PRKCB: variants seen among roughly 807,000 people sequenced by gnomAD.
The protein encoded by PRKCB is protein kinase C beta type.
Under a neutral mutation model 81.5 loss-of-function variants are expected in PRKCB, and 13 were observed. That is an observed-to-expected ratio of 0.16 (90% CI 0.10 to 0.25). The LOEUF (loss-of-function observed/expected upper bound fraction) is 0.25. Ranked by LOEUF, PRKCB falls within the 10% of genes least tolerant of loss-of-function variation. The pLI is 1.00. For synonymous variants in PRKCB, 335 were observed against 321.4 expected, an observed-to-expected ratio of 1.04 and a Z score of -0.45; for missense variants, 509 against 875.7, an observed-to-expected ratio of 0.58 and a Z score of 5.29.
chr16:24,204,212 G>C (rs1968008183), intron 16 of PRKCB, among the ~76,000 whole-genome samples: 1 of 152,016 alleles, frequency 6.6e-6, no homozygotes, highest in African/African-American at 2.4e-5. Flanking sequence ...TTGAGCTTAG[G>C]GGACTTAGCT....
intron 2 of PRKCB, among the ~76,000 whole-genome samples, chr16:23,957,485 A>C (rs1964365447): frequency 6.6e-6 from 1 of 152,198 alleles, no homozygotes; most frequent in African/African-American, 2.4e-5. Context: ...AGGAGAGAGA[A>C]GATTGAAAAC....
intron 3 of PRKCB, among the ~76,000 whole-genome samples, chr16:24,012,025 C>A (rs1229541263): frequency 1.3e-5 from 2 of 152,166 alleles, no homozygotes; most frequent in East Asian, 3.9e-4. Flanking sequence ...GCATCTCAGC[C>A]TTTCCTCATG....
intron 2 of PRKCB, among the ~76,000 whole-genome samples, chr16:23,921,436 T>G (rs1459986722): frequency 1.3e-5 from 2 of 152,146 alleles, no homozygotes; most frequent in Non-Finnish European, 2.9e-5. Flanking sequence ...GAGCTTTCGG[T>G]CTCGTGAGGA....
chr16:24,153,380 A>G (rs1967107439), intron 9 of PRKCB, among the ~76,000 whole-genome samples: 1 of 152,224 alleles, frequency 6.6e-6, no homozygotes, highest in African/African-American at 2.4e-5. Flanking sequence ...AAAACCTGGA[A>G]TTGTTTGGTC....
chr16:23,839,515 C>T (rs6497688), intron 2 of PRKCB, among the ~76,000 whole-genome samples: 114,094 of 152,034 alleles, frequency 0.75, 42,876 homozygotes, highest in Admixed American at 0.79. Flanking sequence ...CTTCAAGCAA[C>T]CCTCCCACCT....
At chr16:23,929,837 A>C (rs1385509450) in intron 2 of PRKCB, among the ~76,000 whole-genome samples, 6 of 152,088 alleles carry the variant, frequency 3.9e-5, no homozygotes. Flanking sequence ...GATTTCAAAG[A>C]GGAGAGGTTG....
chr16:24,177,276 C>T (rs961389048), intron 12 of PRKCB, among the ~76,000 whole-genome samples: 12 of 152,168 alleles, frequency 7.9e-5, no homozygotes, highest in Admixed American at 6.5e-5. Context: ...ACTGGCCAGG[C>T]AGGTGGTAAA....
intron 9 of PRKCB, among the ~76,000 whole-genome samples, chr16:24,130,002 CATCT>C (rs1260502946): frequency 1.3e-5 from 2 of 152,162 alleles, no homozygotes; most frequent in African/African-American, 2.4e-5. Flanking sequence ...ATCATGTATC[CATCT>C]GTCTATCCGT....
At chr16:23,863,187 C>CATACATACGTATATATGTGT (rs1567293344) in intron 2 of PRKCB, among the ~76,000 whole-genome samples, 2 of 126,106 alleles carry the variant, frequency 1.6e-5, no homozygotes, top group African/African-American at 7.2e-5. Flanking sequence ...TATGTGTATA[C>CATACATACGTATATATGTGT]ATACATACGT....
At chr16:24,163,194 T>A (rs991902589) in intron 10 of PRKCB, among the ~76,000 whole-genome samples, 1 of 152,200 alleles carries the variant, frequency 6.6e-6, no homozygotes. Context: ...AGGGGTTGTA[T>A]CTACAGGGAG....
chr16:23,942,991 C>T (rs578102713), intron 2 of PRKCB, among the ~76,000 whole-genome samples: 17 of 152,222 alleles, frequency 1.1e-4, no homozygotes, highest in African/African-American at 3.1e-4. Context: ...CACTCCCCTC[C>T]GGAGCATCCA....
At chr16:23,969,067 G>A (rs1287824175) in intron 2 of PRKCB, among the ~76,000 whole-genome samples, 1 of 152,170 alleles carries the variant, frequency 6.6e-6, no homozygotes, top group Non-Finnish European at 1.5e-5. Context: ...CTACTCAGGA[G>A]GCTGAGGCAA....
At chr16:23,838,684 T>A (rs997285248) in intron 2 of PRKCB, among the ~76,000 whole-genome samples, 4 of 152,206 alleles carry the variant, frequency 2.6e-5, no homozygotes, top group African/African-American at 9.6e-5. Context: ...AGTAAAGTGA[T>A]CCCTAGTGAG....
At chr16:23,992,138 A>T (rs1964893971) in intron 3 of PRKCB, among the ~76,000 whole-genome samples, 1 of 152,218 alleles carries the variant, frequency 6.6e-6, no homozygotes, top group Non-Finnish European at 1.5e-5. Context: ...TGGAGACCGA[A>T]TCTTCCAGTG....
chr16:23,899,411 C>T (rs978406139), intron 2 of PRKCB, among the ~76,000 whole-genome samples: 1 of 152,284 alleles, frequency 6.6e-6, no homozygotes, highest in African/African-American at 2.4e-5. Context: ...ACATCTCCCC[C>T]AGATCTCTCT....
At chr16:24,102,463 A>T in intron 7 of PRKCB, among the ~76,000 whole-genome samples, 1 of 152,158 alleles carries the variant, frequency 6.6e-6, no homozygotes, top group Middle Eastern at 3.2e-3. Context: ...ACCCTTTCTG[A>T]AACTCAGATT....
chr16:23,941,628 T>C (rs1350809823), intron 2 of PRKCB, among the ~76,000 whole-genome samples: 9 of 152,116 alleles, frequency 5.9e-5, no homozygotes, highest in African/African-American at 1.9e-4. Flanking sequence ...ATACGTCCCA[T>C]CAATATGTCA....
chr16:24,161,397 G>T (rs1967255039), intron 10 of PRKCB, among the ~76,000 whole-genome samples: 1 of 152,144 alleles, frequency 6.6e-6, no homozygotes, highest in Non-Finnish European at 1.5e-5. Flanking sequence ...AAAAGAATCA[G>T]AAGGGGGCAT....
intron 13 of PRKCB, among the ~76,000 whole-genome samples, chr16:24,184,542 A>G (rs1228449593): frequency 1.3e-5 from 2 of 152,192 alleles, no homozygotes; most frequent in Non-Finnish European, 2.9e-5. Context: ...AGAGTTTAAT[A>G]TGTATTCAGA....
Sources: allele counts gnomAD v4.1 joint callset (sites outside exome capture counted in the v4.1 genomes callset), GRCh38; gene constraint gnomAD v4.1.1; transcripts MANE v1.5; gene names NCBI Gene and HGNC (gene_info 2026-07-23, HGNC 2026-07-21).